Variants in CFAP54 observed in about 807,000 individuals in gnomAD.
CFAP54 encodes cilia- and flagella-associated protein 54.
A neutral mutation model predicts 370.4 loss-of-function variants in CFAP54; 290 were observed. That is an observed-to-expected ratio of 0.78 (90% confidence interval 0.71 to 0.86). CFAP54 has a LOEUF of 0.86. CFAP54 is among the 40% of genes least tolerant of loss of function. CFAP54 has a pLI of 0.00. For missense variants in CFAP54, 3,399 were observed against 3,528.7 expected, an observed-to-expected ratio of 0.96 and a Z score of 0.93; for synonymous variants, 1,206 against 1,236.5, an observed-to-expected ratio of 0.98 and a Z score of 0.52.
chr12:96,750,758 G>C (rs1401022747), intron 55 of CFAP54, among the ~76,000 whole-genome samples: 3 of 152,132 alleles, frequency 2.0e-5, no homozygotes, highest in Non-Finnish European at 4.4e-5. Flanking sequence ...TGACAATACT[G>C]TTGCCGTGTT....
intron 63 of CFAP54, among the ~76,000 whole-genome samples, chr12:96,807,428 C>T (rs1958893223): frequency 6.6e-6 from 1 of 152,186 alleles, no homozygotes; most frequent in African/African-American, 2.4e-5. Flanking sequence ...TCAACTCCAC[C>T]TAGTACAAGA....
intron 26 of CFAP54, among the ~76,000 whole-genome samples, chr12:96,614,034 AC>A (rs974578780): frequency 6.6e-6 from 1 of 152,200 alleles, no homozygotes; most frequent in African/African-American, 2.4e-5. Context: ...TCATCCTGAT[AC>A]CAAAGCCGGG....
intron 26 of CFAP54, among the ~76,000 whole-genome samples, chr12:96,603,532 A>T (rs534300808): frequency 6.6e-6 from 1 of 152,162 alleles, no homozygotes; most frequent in Non-Finnish European, 1.5e-5. Context: ...ATTCTCCTGG[A>T]TAATATCCTG....
At chr12:96,834,762 T>C (rs1424346197) in intron 66 of CFAP54, among the ~76,000 whole-genome samples, 1 of 152,104 alleles carries the variant, frequency 6.6e-6, no homozygotes, top group East Asian at 1.9e-4. Flanking sequence ...CGAGCAAAGG[T>C]CATGTTTCAG....
At chr12:96,499,417 T>C (rs1454968097) in intron 1 of CFAP54, among the ~76,000 whole-genome samples, 1 of 152,016 alleles carries the variant, frequency 6.6e-6, no homozygotes, top group African/African-American at 2.4e-5. Flanking sequence ...AACAATAAGA[T>C]ACCCTACATG....
rs1395849963 is a variant in CFAP54, at chr12:96,589,560, G to T, written c.3209G>T (p.Arg1070Ile). 4 of 1,420,082 alleles carry T rather than the reference G, an allele frequency of 2.8e-6. No individual in the cohort carries two copies. Among genetic ancestry groups the T allele is most frequent in the Non-Finnish European group, 3.8e-6 (4 of 1,049,520 alleles). 88.0% of individuals were successfully genotyped at this position (1,420,082 alleles called of 1,614,324 possible). Residue 1070 changes from arginine (R) to isoleucine (I), a missense_variant, in exon 23 of 68, where the codon AGA (arginine) becomes ATA (isoleucine). Physicochemically the swap from Arg to Ile is moderately conservative, Grantham distance 97. Transcript: ENST00000524981. ...CLSNIITITQ[R>I]RLHSDILAET... ...AGCAATATAATTACTATTACACAAA[G>T]AAGGTAATTAGAAATATTCTTCTAA... is the stretch of plus-strand genomic sequence containing the variant.
At chr12:96,772,220 T>C (rs1958469740) in intron 60 of CFAP54, among the ~76,000 whole-genome samples, 1 of 152,216 alleles carries the variant, frequency 6.6e-6, no homozygotes, top group Non-Finnish European at 1.5e-5. Context: ...TACCAGTCTA[T>C]TAGTGTCCTA....
intron 65 of CFAP54, among the ~76,000 whole-genome samples, chr12:96,826,534 T>A (rs1357808654): frequency 1.0e-5 from 1 of 99,034 alleles, no homozygotes; most frequent in Non-Finnish European, 1.8e-5. Flanking sequence ...ATATTATATA[T>A]TATATATATA....
At chr12:96,770,033 A>C (rs1027668418) in intron 60 of CFAP54, among the ~76,000 whole-genome samples, 2 of 152,176 alleles carry the variant, frequency 1.3e-5, no homozygotes, top group African/African-American at 4.8e-5. Context: ...AGTGGGATGC[A>C]ATTCCTCTAC....
intron 39 of CFAP54, among the ~76,000 whole-genome samples, chr12:96,664,690 TA>T (rs1957041106): frequency 9.7e-5 from 1 of 10,326 alleles, no homozygotes; most frequent in African/African-American, 4.8e-4. Context: ...TTCCTTTGGG[TA>T]TATATCTATA....
At chr12:96,693,234 G>A (rs750191692) in intron 44 of CFAP54, among the ~76,000 whole-genome samples, 17 of 152,096 alleles carry the variant, frequency 1.1e-4, no homozygotes, top group African/African-American at 3.4e-4. Context: ...AATATTTTTT[G>A]TTGATAGACA....
chr12:96,744,373 C>T (rs1565962477), intron 55 of CFAP54, among the ~76,000 whole-genome samples: 1 of 152,150 alleles, frequency 6.6e-6, no homozygotes, highest in Non-Finnish European at 1.5e-5. Flanking sequence ...CATAATATAA[C>T]ATGCATAACT....
intron 66 of CFAP54, among the ~76,000 whole-genome samples, chr12:96,855,346 A>C (rs1234342288): frequency 2.6e-5 from 4 of 152,198 alleles, no homozygotes; most frequent in Non-Finnish European, 4.4e-5. Context: ...GCCATCTAAC[A>C]GTCCCCCAAA....
chr12:96,541,779 T>C (rs1350216847), intron 14 of CFAP54, among the ~76,000 whole-genome samples: 1 of 152,164 alleles, frequency 6.6e-6, no homozygotes. Context: ...TTTTCTATTT[T>C]CTTTCTTCTA....
At chr12:96,542,045 G>A (rs75979154) in intron 14 of CFAP54, among the ~76,000 whole-genome samples, 149 of 152,184 alleles carry the variant, frequency 9.8e-4, no homozygotes, top group African/African-American at 3.3e-3. Context: ...TTCATGGGGT[G>A]GGGAATAATG....
At chr12:96,633,453 A>G (rs1382625332) in intron 32 of CFAP54, among the ~76,000 whole-genome samples, 1 of 152,214 alleles carries the variant, frequency 6.6e-6, no homozygotes, top group African/African-American at 2.4e-5. Context: ...GGATTACAGC[A>G]AGTTTGCATG....
At chr12:96,776,532 A>G (rs911641677) in intron 60 of CFAP54, among the ~76,000 whole-genome samples, 4 of 152,220 alleles carry the variant, frequency 2.6e-5, no homozygotes, top group Non-Finnish European at 5.9e-5. Flanking sequence ...CTGCTGCAAT[A>G]TAATGTTTTG....
intron 22 of CFAP54, among the ~76,000 whole-genome samples, chr12:96,586,710 G>A (rs942998651): frequency 6.6e-6 from 1 of 152,186 alleles, no homozygotes; most frequent in African/African-American, 2.4e-5. Flanking sequence ...GGTAGATGGG[G>A]AGCAGATCAT....
At chr12:96,603,900 A>G (rs1172255400) in intron 26 of CFAP54, among the ~76,000 whole-genome samples, 1 of 152,158 alleles carries the variant, frequency 6.6e-6, no homozygotes, top group Non-Finnish European at 1.5e-5. Context: ...GTGGGTTAGA[A>G]CGTGTTCCTT....
Sources: allele counts gnomAD v4.1 joint callset (sites outside exome capture counted in the v4.1 genomes callset), GRCh38; gene constraint gnomAD v4.1.1; transcripts MANE v1.5; gene names NCBI Gene and HGNC (gene_info 2026-07-23, HGNC 2026-07-21).